LRRC37A2: variants seen among roughly 807,000 people sequenced by gnomAD.
The protein encoded by LRRC37A2 is leucine-rich repeat-containing protein 37A2.
In LRRC37A2, 9 loss-of-function variants were observed where a neutral mutation model predicts 68.8. The ratio of observed to expected loss-of-function variants is 0.13; its 90% CI spans 0.08 to 0.23. The LOEUF (loss-of-function observed/expected upper bound fraction) is 0.23. LRRC37A2 is among the 10% of genes least tolerant of loss of function. The pLI, the probability that LRRC37A2 is intolerant of heterozygous loss-of-function variation, is 1.00. For synonymous variants in LRRC37A2, 63 were observed against 367.6 expected (o/e 0.17, Z 9.48); for missense variants, 168 against 950.4 (o/e 0.18, Z 10.82).
the LRRC37A2 span, among the ~76,000 whole-genome samples, chr17:46,708,828 T>A: frequency 0.15 from 13,870 of 95,522 alleles, 824 homozygotes; most frequent in South Asian, 0.35. Flanking sequence ...ATATATTTTT[T>A]TTTTTTTTTT....
the LRRC37A2 span, among the ~76,000 whole-genome samples, chr17:46,854,960 C>A: frequency 6.6e-6 from 1 of 152,156 alleles, no homozygotes; most frequent in East Asian, 1.9e-4. Flanking sequence ...ATGCCCAGCC[C>A]ATCACTTTCT....
At chr17:46,926,501 G>C in the LRRC37A2 span, among the ~76,000 whole-genome samples, 1 of 152,104 alleles carries the variant, frequency 6.6e-6, no homozygotes, top group African/African-American at 2.4e-5. Context: ...CTATTTCTCT[G>C]CTTTGTTATA....
chr17:46,940,711 A>G, the LRRC37A2 span: 1 of 1,604,930 alleles, frequency 6.2e-7, no homozygotes, highest in South Asian at 1.1e-5. Context: ...TGCTTTCCAC[A>G]CTTGACAGTG....
At chr17:47,007,515 A>T in the LRRC37A2 span, among the ~76,000 whole-genome samples, 1 of 152,222 alleles carries the variant, frequency 6.6e-6, no homozygotes, top group Non-Finnish European at 1.5e-5. Context: ...AATAAAATAT[A>T]AAAACTGCTA....
chr17:47,021,189 A>G, the LRRC37A2 span, among the ~76,000 whole-genome samples: 1 of 152,230 alleles, frequency 6.6e-6, no homozygotes, highest in Non-Finnish European at 1.5e-5. Flanking sequence ...AAGAGATTAC[A>G]TGATCAAAAC....
the LRRC37A2 span, among the ~76,000 whole-genome samples, chr17:46,989,472 G>GC: frequency 6.6e-6 from 1 of 152,136 alleles, no homozygotes; most frequent in East Asian, 1.9e-4. Context: ...GGCTTCCCCT[G>GC]CCCCCCAGAT....
At chr17:46,763,879 G>A in the LRRC37A2 span, 1 of 151,568 alleles carries the variant, frequency 6.6e-6, no homozygotes, top group Non-Finnish European at 1.5e-5. Context: ...CATTGACGGT[G>A]GAAACTGCAG....
At chr17:46,754,858 A>C in the LRRC37A2 span, among the ~76,000 whole-genome samples, 1 of 152,244 alleles carries the variant, frequency 6.6e-6, no homozygotes, top group Non-Finnish European at 1.5e-5. Flanking sequence ...GAAAAGCTAC[A>C]TGGTTGGTTA....
chr17:46,569,166 T>TC, the LRRC37A2 span, among the ~76,000 whole-genome samples: 2 of 151,636 alleles, frequency 1.3e-5, no homozygotes, highest in Non-Finnish European at 2.9e-5. Flanking sequence ...CAGGCTGGTC[T>TC]CCAACTCCTG....
the LRRC37A2 span, chr17:46,768,292 C>A: frequency 3.5e-5 from 56 of 1,612,716 alleles, no homozygotes; most frequent in East Asian, 1.0e-3. This position sits in a 1 kb window ranked among gnomAD's most constrained non-coding sequence, Gnocchi z 5.0. Flanking sequence ...CAGCCTCCCC[C>A]CTGCTTCCCG....
At chr17:46,883,835 C>A in the LRRC37A2 span, among the ~76,000 whole-genome samples, 1 of 152,160 alleles carries the variant, frequency 6.6e-6, no homozygotes, top group Non-Finnish European at 1.5e-5. Context: ...CCCTGCATAC[C>A]GCAAAGAGGA....
At chr17:46,776,613 C>G in the LRRC37A2 span, among the ~76,000 whole-genome samples, 2 of 152,142 alleles carry the variant, frequency 1.3e-5, no homozygotes, top group African/African-American at 4.8e-5. Context: ...TGCTCTTAAG[C>G]AGCATCTCCA....
chr17:46,830,573 A>C, the LRRC37A2 span: 2 of 398,176 alleles, frequency 5.0e-6, no homozygotes, highest in Non-Finnish European at 8.9e-6. Flanking sequence ...ATCCCAAATC[A>C]GAGTACATGG....
At chr17:47,024,663 A>C in the LRRC37A2 span, 1 of 947,254 alleles carries the variant, frequency 1.1e-6, no homozygotes, top group Non-Finnish European at 1.7e-6. Context: ...TCTAGAAATA[A>C]CTTCTTCATT....
the LRRC37A2 span, among the ~76,000 whole-genome samples, chr17:46,853,519 G>A: frequency 3.3e-3 from 500 of 151,862 alleles, 1 homozygote; most frequent in African/African-American, 0.011. Context: ...CTATAGGCGC[G>A]TGCCACCATG....
the LRRC37A2 span, among the ~76,000 whole-genome samples, chr17:46,874,641 A>T: frequency 6.6e-6 from 1 of 152,104 alleles, no homozygotes; most frequent in Non-Finnish European, 1.5e-5. Context: ...GCAATGGCGC[A>T]ATCTCAGCTC....
At chr17:46,834,132 T>C in the LRRC37A2 span, among the ~76,000 whole-genome samples, 1 of 152,068 alleles carries the variant, frequency 6.6e-6, no homozygotes, top group Non-Finnish European at 1.5e-5. Flanking sequence ...GCATTTGAGG[T>C]TGCAGTGAGC....
the LRRC37A2 span, among the ~76,000 whole-genome samples, chr17:46,864,368 G>T: frequency 1.3e-5 from 2 of 152,084 alleles, no homozygotes; most frequent in African/African-American, 4.8e-5. Flanking sequence ...TCACATACCA[G>T]GCCCTCTCCT....
At chr17:46,935,397 T>C in the LRRC37A2 span, 1 of 1,435,474 alleles carries the variant, frequency 7.0e-7, no homozygotes, top group Non-Finnish European at 9.1e-7. Context: ...TGGCCTCTCT[T>C]AGGATCCAGG....
Sources: allele counts gnomAD v4.1 joint callset (sites outside exome capture counted in the v4.1 genomes callset), GRCh38; gene constraint gnomAD v4.1.1; non-coding constraint Gnocchi (gnomAD v3.1); transcripts MANE v1.5; gene names NCBI Gene and HGNC (gene_info 2026-07-23, HGNC 2026-07-21).